Variants in SLC28A2 observed in about 807,000 individuals in gnomAD.
SLC28A2 encodes solute carrier family 28 member 2.
Under a neutral mutation model 72.9 loss-of-function variants are expected in SLC28A2, and 69 were observed. The observed-to-expected ratio is 0.95, with a 90% CI of 0.78 to 1.16. The LOEUF (loss-of-function observed/expected upper bound fraction) is 1.16, where lower values mean the gene tolerates loss of function less well. Ranked by LOEUF, SLC28A2 falls within the 50% of genes most tolerant of loss-of-function variation. The pLI, the probability that SLC28A2 is intolerant of heterozygous loss-of-function variation, is 0.00. For synonymous variants in SLC28A2, 296 were observed against 294.1 expected (o/e 1.01, Z -0.07); for missense variants, 745 against 791.1 (o/e 0.94, Z 0.70).
chr15:45,256,867 G>T (rs1391708230), intron 3 of SLC28A2, among the ~76,000 whole-genome samples: 1 of 152,052 alleles, frequency 6.6e-6, no homozygotes, highest in Non-Finnish European at 1.5e-5. Context: ...CCTAAAGTAT[G>T]TCTGAACTCC....
At chr15:45,260,999 A>C (rs1900144852) in intron 3 of SLC28A2, among the ~76,000 whole-genome samples, 1 of 152,174 alleles carries the variant, frequency 6.6e-6, no homozygotes, top group Admixed American at 6.5e-5. Flanking sequence ...AGTGTGTTAG[A>C]TGGGAGGGGC....
intron 3 of SLC28A2, among the ~76,000 whole-genome samples, chr15:45,256,606 AC>A (rs1899987475): frequency 6.6e-6 from 1 of 151,274 alleles, no homozygotes; most frequent in African/African-American, 2.4e-5. Flanking sequence ...ATGGTGTTTC[AC>A]CATCTTGGCC....
chr15:45,255,080 C>T (rs957895835), intron 3 of SLC28A2: 1 of 151,780 alleles, frequency 6.6e-6, no homozygotes, highest in South Asian at 2.1e-4. Flanking sequence ...CATAGTGAGA[C>T]CTGCCTCTAC....
At chr15:45,257,523 T>A (rs976452122) in intron 3 of SLC28A2, among the ~76,000 whole-genome samples, 5 of 152,250 alleles carry the variant, frequency 3.3e-5, no homozygotes, top group Non-Finnish European at 7.3e-5. Flanking sequence ...TGTTAATAAG[T>A]TATGTATATA....
chr15:45,266,606 T>C (rs1323840141), intron 10 of SLC28A2, among the ~76,000 whole-genome samples: 7 of 152,192 alleles, frequency 4.6e-5, no homozygotes, highest in Non-Finnish European at 1.0e-4. Flanking sequence ...CTTGGTACAT[T>C]CGTCTGTATG....
chr15:45,275,286 A>G (rs957002249), intron 17 of SLC28A2, 110 bp from the exon 18 acceptor site: 1 of 686,690 alleles, frequency 1.5e-6, no homozygotes, highest in Non-Finnish European at 2.6e-6. Flanking sequence ...TGATGGGTCA[A>G]TTTACAGGTT....
chr15:45,256,070 G>T (rs965760515), intron 3 of SLC28A2: 6 of 151,918 alleles, frequency 3.9e-5, no homozygotes, highest in African/African-American at 1.5e-4. Context: ...GACTGTTGTT[G>T]GCACCTTAAA....
At chr15:45,267,150 C>T (rs950758766) in intron 10 of SLC28A2, among the ~76,000 whole-genome samples, 1 of 152,192 alleles carries the variant, frequency 6.6e-6, no homozygotes, top group African/African-American at 2.4e-5. Context: ...TGAGAATATA[C>T]AAACAAAATA....
Position 45,270,272 on chromosome 15 carries a change from C to T in SLC28A2, c.1644C>T (p.Gly548=). 2 of 1,607,374 alleles carry T rather than the reference C, an allele frequency of 1.2e-6. No homozygotes were observed. Among genetic ancestry groups the T allele is most frequent in the Non-Finnish European group, 8.5e-7 (1 of 1,173,926 alleles). The change falls in exon 15 of 18, where the codon GGC becomes GGT. Residue 548 remains glycine (G), a synonymous_variant. Transcript: ENST00000347644. ...GTTCCATAGGAATCACACTTGGAGG[C>T]TTGAGTGAGTTCATCCATTTTCCCA... ...NLSSIGITLG[G]LTSIVPHRKS...
chr15:45,263,280 T>C, intron 5 of SLC28A2, 36 bp downstream of exon 5: 2 of 1,596,716 alleles, frequency 1.3e-6, no homozygotes, highest in South Asian at 2.3e-5. Flanking sequence ...CCTCACAGCT[T>C]ATCCCAGCCC....
At position 45,263,101 on chromosome 15, in the gene SLC28A2, C is replaced by T; in HGVS notation, c.303C>T (p.Phe101=). ...AYLLAACILN[F]QRALALFVIT... ...TCCTGGCAGCTTGCATCTTGAATTTCCAGAGGGCACTGGCCTTGTTTGTCA... is the reference window on the plus strand; with the variant it reads ...TCCTGGCAGCTTGCATCTTGAATTTTCAGAGGGCACTGGCCTTGTTTGTCA... The change falls in exon 5 of 18, where the codon TTC becomes TTT. Residue 101 remains phenylalanine, a synonymous_variant. Transcript: ENST00000347644. 2 of 1,613,894 alleles carry T rather than the reference C, an allele frequency of 1.2e-6. No individual in the cohort carries two copies. The highest frequency in any genetic ancestry group is 1.7e-6 in the Non-Finnish European group (2 of 1,179,892).
chr15:45,269,588 C>A, intron 14 of SLC28A2, 53 bp downstream of exon 14: 1 of 1,504,776 alleles, frequency 6.6e-7, no homozygotes, highest in Admixed American at 1.7e-5. Context: ...CCATGGTTAT[C>A]TGAGGGTAGA....
chr15:45,256,163 C>G (rs1339416773), intron 3 of SLC28A2, among the ~76,000 whole-genome samples: 3 of 152,070 alleles, frequency 2.0e-5, no homozygotes, highest in Non-Finnish European at 4.4e-5. Flanking sequence ...TAACTAGTTA[C>G]ATAGATATAA....
chr15:45,255,421 G>A (rs1015596319), intron 3 of SLC28A2: 4 of 152,128 alleles, frequency 2.6e-5, no homozygotes, highest in African/African-American at 4.8e-5. Context: ...TGTGGTCTCT[G>A]TTGCAATTAT....
At chr15:45,272,152 G>A (rs1900592339) in intron 15 of SLC28A2, 143 bp from the exon 16 acceptor site, 1 of 635,246 alleles carries the variant, frequency 1.6e-6, no homozygotes. Flanking sequence ...GGCAACACTG[G>A]CCAGTCTCAG....
intron 9 of SLC28A2, 150 bp downstream of exon 9, chr15:45,265,813 C>A: frequency 4.4e-6 from 3 of 685,912 alleles, no homozygotes; most frequent in East Asian, 2.7e-5. Context: ...AACTGTCAGC[C>A]GAGGCCCTAG....
In SLC28A2 at chr15:45,277,797, C is replaced by T. The variant is rs1229451489; in HGVS notation, c.*2284C>T. On this transcript the variant is annotated 3_prime_UTR_variant, in exon 18 of 18. Transcript: ENST00000347644. Reference sequence around the variant, plus strand: ...CACTGAATTGTTCACTTTAAAATGGCTGTTTATGTTATGTGAATTTCACCT... The same window carrying T: ...CACTGAATTGTTCACTTTAAAATGGTTGTTTATGTTATGTGAATTTCACCT... 2 of 150,192 alleles carry T rather than the reference C, an allele frequency of 1.3e-5. No homozygotes were observed. The highest frequency in any genetic ancestry group is 4.9e-5 in the African/African-American group (2 of 40,696). The allele number at this position is 150,192 out of a possible 1,614,324, so 9.3% of individuals were successfully genotyped here. A position where few individuals can be genotyped will look rare whatever the true frequency, so the allele number is the denominator to read the frequency against.
At chr15:45,260,152 G>A (rs968240683) in intron 3 of SLC28A2, among the ~76,000 whole-genome samples, 6 of 152,180 alleles carry the variant, frequency 3.9e-5, no homozygotes, top group African/African-American at 1.4e-4. Flanking sequence ...GTTACTATTC[G>A]TAGGCCTGAA....
At position 45,268,044 on chromosome 15, in the gene SLC28A2, T is replaced by C. The variant is rs1184953073; in HGVS notation, c.1200-166T>C. On this transcript the variant is annotated intron_variant, in intron 12 of 17. Transcript: ENST00000347644. ...ATTACATGACAATTATATCTGATAT[T>C]GCTTCAGAGTAATTTCCACTAATAG... Among the ~76,000 whole-genome samples, 4 of 152,218 alleles carry C rather than the reference T, an allele frequency of 2.6e-5. No individual in the cohort carries two copies. The South Asian group carries it at 6.2e-4, about 24-fold the overall frequency.
Sources: gnomAD v4.1 joint callset for allele counts (sites outside exome capture counted in the v4.1 genomes callset) on GRCh38, gnomAD v4.1.1 for gene constraint, MANE v1.5 for transcripts, NCBI Gene and HGNC (gene_info 2026-07-23, HGNC 2026-07-21) for gene names.